STEAP1: variants seen among roughly 807,000 people sequenced by gnomAD.
STEAP1 encodes STEAP1 protein.
Under a neutral mutation model 34.4 loss-of-function variants are expected in STEAP1, and 30 were observed. The observed-to-expected ratio is 0.87, with a 90% CI of 0.65 to 1.18. The LOEUF (loss-of-function observed/expected upper bound fraction) is 1.18. Among genes scored for constraint, STEAP1 ranks in the 50% most tolerant of loss-of-function variants. The pLI is 0.00. For synonymous variants in STEAP1, 116 were observed against 135.3 expected, an observed-to-expected ratio of 0.86 and a Z score of 0.99; for missense variants, 318 against 391.1, an observed-to-expected ratio of 0.81 and a Z score of 1.58.
intron 4 of STEAP1, chr7:90,162,299 GT>G (rs753176067): frequency 0.031 from 15,666 of 512,612 alleles, 7 homozygotes; most frequent in East Asian, 0.051. Flanking sequence ...AATATTCTTT[GT>G]TTTTTTTTTT....
In STEAP1 at chr7:90,160,998, A is replaced by G; in HGVS notation, c.278A>G (p.Glu93Gly). Residue 93 changes from glutamate to glycine, a missense_variant, in exon 3 of 5, where the codon GAA becomes GGA. By Grantham distance (98) the Glu-to-Gly change is moderately conservative. Coordinates refer to ENST00000297205, the MANE Select transcript of STEAP1 (RefSeq NM_012449.3). Reference protein sequence around the residue: ...SLTFLYTLLREVIHPLATSHQ... With the variant: ...SLTFLYTLLRGVIHPLATSHQ... ...ACTTTTCTTTACACTCTTCTGAGGG[A>G]AGTAATTCACCCTTTAGCAACTTCC... The G allele has an allele frequency of 6.2e-7, 1 of 1,613,990 alleles. No homozygotes were observed. Among genetic ancestry groups the G allele is most frequent in the Non-Finnish European group, 8.5e-7 (1 of 1,179,866 alleles).
intron 4 of STEAP1, among the ~76,000 whole-genome samples, chr7:90,163,874 T>C (rs988027424): frequency 1.3e-5 from 2 of 152,206 alleles, no homozygotes; most frequent in African/African-American, 2.4e-5. Context: ...ATTATTTCCA[T>C]GTTATCAGAA....
chr7:90,159,799 G>C lies in STEAP1; in HGVS notation c.11G>C (p.Arg4Thr), dbSNP rs775300378. The C allele has an allele frequency of 6.4e-7, 1 of 1,553,002 alleles. No individual in the cohort carries two copies. The highest frequency in any genetic ancestry group is 1.3e-5 in the South Asian group (1 of 78,012). The change falls in exon 2 of 5, where the codon AGA becomes ACA. Residue 4 changes from arginine (R) to threonine (T), a missense_variant. Coordinates refer to ENST00000297205, the MANE Select transcript of STEAP1 (RefSeq NM_012449.3). MES[R>T]KDITNQEELW... ...TATTTTATAGAATTAATGGAAAGCAGAAAAGACATCACAAACCAAGAAGAA... is the reference window on the plus strand; with the variant it reads ...TATTTTATAGAATTAATGGAAAGCACAAAAGACATCACAAACCAAGAAGAA...
Position 90,164,798 on chromosome 7 carries a change from G to T in STEAP1, c.*64G>T. ...ATTTTATCACCAACATTTCAAGTTT[G>T]TATTTGTTAATAAAATGATTATTCA... is the stretch of plus-strand genomic sequence containing the variant. On this transcript the variant is annotated 3_prime_UTR_variant, in exon 5 of 5. Transcript: ENST00000297205. The T allele has an allele frequency of 7.0e-7, 1 of 1,420,740 alleles. No homozygotes were observed. The highest frequency in any genetic ancestry group is 9.4e-7 in the Non-Finnish European group (1 of 1,067,188). 88.0% of individuals were successfully genotyped at this position (1,420,740 alleles called of 1,614,324 possible). A position where few individuals can be genotyped will look rare whatever the true frequency, so the allele number is the denominator to read the frequency against.
rs28476691 is a variant in STEAP1 at position 90,159,674 on chromosome 7, G to A, written c.-31-84G>A. 4.2e-3 allele frequency: 2,873 copies of A among 689,864 alleles called. 78 individuals are homozygous for A. In the African/African-American group the frequency reaches 0.049, roughly 12 times the overall value. The allele number at this position is 689,864 out of a possible 1,614,324, so 42.7% of individuals were successfully genotyped here. ...TTTTATCTGCCATTCTAGTCTTTAA[G>A]TAAGTAAATTTTTTATATTGTTACA... is the stretch of plus-strand genomic sequence containing the variant. On this transcript the variant is annotated intron_variant, in intron 1 of 4. Transcript: ENST00000297205.
In STEAP1 at chr7:90,159,822, G is replaced by C; in HGVS notation, c.34G>C (p.Glu12Gln). Residue 12 changes from glutamate to glutamine, a missense_variant, in exon 2 of 5, where the codon GAA becomes CAA. Physicochemically the swap from Glu to Gln is conservative, Grantham distance 29 (BLOSUM62 2). Transcript: ENST00000297205. ...ESRKDITNQEELWKMKPRRNL... is the reference protein window; with the variant it reads ...ESRKDITNQEQLWKMKPRRNL... ...CAGAAAAGACATCACAAACCAAGAAGAACTTTGGAAAATGAAGCCTAGGAG... is the reference window on the plus strand; with the variant it reads ...CAGAAAAGACATCACAAACCAAGAACAACTTTGGAAAATGAAGCCTAGGAG... 4 of 1,565,440 alleles carry C rather than the reference G, an allele frequency of 2.6e-6. No homozygotes were observed. Among genetic ancestry groups the C allele is most frequent in the Non-Finnish European group, 3.5e-6 (4 of 1,157,550 alleles).
At chr7:90,163,977 G>T (rs1432801979) in intron 4 of STEAP1, among the ~76,000 whole-genome samples, 1 of 152,120 alleles carries the variant, frequency 6.6e-6, no homozygotes, top group Non-Finnish European at 1.5e-5. Context: ...CTTCACAACT[G>T]ATAAAGATCA....
Position 90,164,581 on chromosome 7 carries a change from A to G in STEAP1, c.867A>G (p.Pro289=), listed in dbSNP as rs1193215803. ...DIKQFVWYTP[P]TFMIAVFLPI... ...AACAATTTGTATGGTATACACCTCC[A>G]ACTTTTATGATAGCTGTTTTCCTTC... The change falls in exon 5 of 5, where the codon CCA becomes CCG. Residue 289 remains proline, a synonymous_variant. Coordinates refer to ENST00000297205, the MANE Select transcript of STEAP1 (RefSeq NM_012449.3). 2 of 1,613,812 alleles carry G rather than the reference A, an allele frequency of 1.2e-6. No individual in the cohort carries two copies. Among genetic ancestry groups the G allele is most frequent in the South Asian group, 1.1e-5 (1 of 91,064 alleles).
chr7:90,163,284 C>T (rs1345828252), intron 4 of STEAP1, among the ~76,000 whole-genome samples: 1 of 152,184 alleles, frequency 6.6e-6, no homozygotes, highest in African/African-American at 2.4e-5. Context: ...CTGATAACCA[C>T]TGGAGTTCTT....
At chr7:90,163,698 T>TCG (rs1794214775) in intron 4 of STEAP1, among the ~76,000 whole-genome samples, 1 of 152,150 alleles carries the variant, frequency 6.6e-6, no homozygotes, top group Non-Finnish European at 1.5e-5. Flanking sequence ...AGGTCAGAAG[T>TCG]CGTATAAAAG....
chr7:90,162,324 T>G (rs137892610), intron 4 of STEAP1: 415 of 408,450 alleles, frequency 1.0e-3, no homozygotes, highest in Middle Eastern at 2.8e-3. Flanking sequence ...TTGTTTGTTT[T>G]TTGTTTGTTT....
At chr7:90,156,171 A>G (rs1482430628) in intron 1 of STEAP1, among the ~76,000 whole-genome samples, 2 of 152,206 alleles carry the variant, frequency 1.3e-5, no homozygotes, top group Non-Finnish European at 2.9e-5. Context: ...TGCAACCCTC[A>G]AAGTTAAAAG....
Position 90,161,183 on chromosome 7 carries a change from G to T in STEAP1, c.463G>T (p.Asp155Tyr). The change falls in exon 3 of 5, where the codon GAT becomes TAT. Residue 155 changes from aspartate (D) to tyrosine (Y), a missense_variant. Transcript: ENST00000297205. Reference protein sequence around the residue: ...TKYKKFPHWLDKWMLTRKQFG... With the variant: ...TKYKKFPHWLYKWMLTRKQFG... The stretch of plus-strand genomic sequence containing the variant: ...GTATAAGAAGTTTCCACATTGGTTG[G>T]ATAAGTGGATGTTAACAAGAAAGCA... 6.2e-7 allele frequency: 1 copy of T among 1,614,024 alleles called. No individual in the cohort carries two copies. Among genetic ancestry groups the T allele is most frequent in the Admixed American group, 1.7e-5 (1 of 60,010 alleles).
Position 90,160,810 on chromosome 7 carries a change from G to A in STEAP1, c.90G>A (p.Lys30=). The change falls in exon 3 of 5, where the codon AAG becomes AAA. Residue 30 remains lysine, a synonymous_variant. Coordinates refer to ENST00000297205, the MANE Select transcript of STEAP1 (RefSeq NM_012449.3). ...TAATTTTCTTTCCTTTGTAGCATAA[G>A]GACACGGGAGAGACCAGCATGCTAA... ...RNLEEDDYLH[K]DTGETSMLKR... is the part of the protein sequence containing the mutation. 6.2e-7 allele frequency: 1 copy of A among 1,612,258 alleles called. No individual in the cohort carries two copies. The highest frequency in any genetic ancestry group is 8.5e-7 in the Non-Finnish European group (1 of 1,178,720).
intron 1 of STEAP1, among the ~76,000 whole-genome samples, chr7:90,154,814 G>A (rs541754683): frequency 1.3e-4 from 20 of 152,216 alleles, no homozygotes; most frequent in Admixed American, 4.6e-4. Context: ...TTCGCTAGGG[G>A]CTTAAGGTTG....
rs565781254 is a variant in STEAP1, at chr7:90,162,549, G to A, written c.762+471G>A. On this transcript the variant is annotated intron_variant, in intron 4 of 4. Coordinates refer to ENST00000297205, the MANE Select transcript of STEAP1 (RefSeq NM_012449.3). ...TTCCCATGTTGGCCAGGCTGGTCTC[G>A]ATCTCCTGACCTCAAATGATCCGCC... Among the ~76,000 whole-genome samples, 11 of 152,006 alleles carry A rather than the reference G, an allele frequency of 7.2e-5. 2 individuals carry two copies. In the South Asian group the frequency reaches 8.3e-4, roughly 11 times the overall value.
Position 90,161,155 on chromosome 7 carries a change from C to T in STEAP1, c.435C>T (p.Thr145=), listed in dbSNP as rs1430996243. The T allele has an allele frequency of 7.4e-6, 12 of 1,613,938 alleles. No homozygotes were observed. The East Asian group carries it at 2.5e-4, about 33-fold the overall frequency. Residue 145 remains threonine, a synonymous_variant, in exon 3 of 5, where the codon ACC becomes ACT. Transcript: ENST00000297205. ...CAATTGTCCAACTTCATAATGGAAC[C>T]AAGTATAAGAAGTTTCCACATTGGT... The part of the protein sequence containing the change: ...IAAIVQLHNG[T]KYKKFPHWLD...
rs771964794 is a variant in STEAP1, at chr7:90,160,831, G to A, written c.111G>A (p.Met37Ile). 1 of 1,613,916 alleles carries A rather than the reference G, an allele frequency of 6.2e-7. No individual in the cohort carries two copies. The highest frequency in any genetic ancestry group is 8.5e-7 in the Non-Finnish European group (1 of 1,179,784). The stretch of plus-strand genomic sequence containing the variant: ...ATAAGGACACGGGAGAGACCAGCAT[G>A]CTAAAAAGACCTGTGCTTTTGCATT... ...YLHKDTGETS[M>I]LKRPVLLHLH... Residue 37 changes from methionine to isoleucine, a missense_variant, in exon 3 of 5, where the codon ATG (methionine) becomes ATA (isoleucine). Coordinates refer to ENST00000297205, the MANE Select transcript of STEAP1 (RefSeq NM_012449.3).
chr7:90,162,117 C>G (rs1428631577), intron 4 of STEAP1, 39 bp downstream of exon 4: 1 of 1,546,608 alleles, frequency 6.5e-7, no homozygotes, highest in African/African-American at 1.4e-5. Context: ...GGTAAATCTT[C>G]TTTTTGTGTT....
Sources: gnomAD v4.1 joint callset for allele counts (sites outside exome capture counted in the v4.1 genomes callset) on GRCh38, gnomAD v4.1.1 for gene constraint, MANE v1.5 for transcripts, NCBI Gene and HGNC (gene_info 2026-07-23, HGNC 2026-07-21) for gene names.